SV2C: variants seen among roughly 807,000 people sequenced by gnomAD.
SV2C encodes synaptic vesicle glycoprotein 2C, also known as solute carrier family 22 member B3.
In SV2C, 49 loss-of-function variants were observed where a neutral mutation model predicts 79.7. The observed-to-expected ratio is 0.61, with a 90% CI of 0.49 to 0.78. The LOEUF (loss-of-function observed/expected upper bound fraction) is 0.78, where lower values mean the gene tolerates loss of function less well. Ranked by LOEUF, SV2C falls within the 30% of genes least tolerant of loss-of-function variation. The pLI, the probability that SV2C is intolerant of heterozygous loss-of-function variation, is 0.00. For synonymous variants in SV2C, 334 were observed against 333.2 expected (o/e 1.00, Z -0.03); for missense variants, 833 against 912.9 (o/e 0.91, Z 1.13).
At chr5:76,297,434 A>G (rs968213511) in intron 9 of SV2C, among the ~76,000 whole-genome samples, 2 of 152,144 alleles carry the variant, frequency 1.3e-5, no homozygotes, top group Non-Finnish European at 2.9e-5. Flanking sequence ...ATGGGAAAAG[A>G]CTGACTTTTT....
intron 4 of SV2C, among the ~76,000 whole-genome samples, chr5:76,274,684 C>CTTTTTTTTTTT (rs11415755): frequency 7.2e-6 from 1 of 139,618 alleles, no homozygotes. Flanking sequence ...TTTTCTCCTT[C>CTTTTTTTTTTT]TTTTTTTTTT....
chr5:76,246,568 C>T (rs1163668187), intron 4 of SV2C, among the ~76,000 whole-genome samples: 1 of 152,156 alleles, frequency 6.6e-6, no homozygotes, highest in Non-Finnish European at 1.5e-5. Flanking sequence ...TTGTTTGTAA[C>T]TGTGTAAGTA....
At chr5:76,322,513 C>A (rs1403676793) in intron 12 of SV2C, among the ~76,000 whole-genome samples, 1 of 152,192 alleles carries the variant, frequency 6.6e-6, no homozygotes, top group African/African-American at 2.4e-5. Context: ...CATTGACATT[C>A]TTCACAGAAT....
At position 76,242,332 on chromosome 5, in the gene SV2C, G is replaced by T. The variant is rs1463856353; in HGVS notation, c.913+32445G>T. The stretch of plus-strand genomic sequence containing the variant: ...CGACGGCAGCGGGACATAGGTGCTG[G>T]ACGCGGGACGCAGCGGCGCGCGGGC... On this transcript the variant is annotated intron_variant, in intron 4 of 12. Coordinates refer to ENST00000502798, the MANE Select transcript of SV2C (RefSeq NM_014979.4). The T allele has an allele frequency of 4.2e-6, 6 of 1,439,252 alleles. No individual in the cohort carries two copies. The Admixed American group carries it at 8.7e-5, about 21-fold the overall frequency. The allele number at this position is 1,439,252 out of a possible 1,614,324, so 89.2% of individuals were successfully genotyped here. A position where few individuals can be genotyped will look rare whatever the true frequency, so the allele number is the denominator to read the frequency against.
chr5:76,189,222 C>T (rs1744021726), intron 2 of SV2C, among the ~76,000 whole-genome samples: 1 of 151,852 alleles, frequency 6.6e-6, no homozygotes, highest in Admixed American at 6.6e-5. Flanking sequence ...AAAAATGACT[C>T]TTTGAGGAAA....
At chr5:76,244,516 A>G (rs182328762) in intron 4 of SV2C, among the ~76,000 whole-genome samples, 143 of 152,246 alleles carry the variant, frequency 9.4e-4, no homozygotes, top group Non-Finnish European at 1.6e-3. Context: ...TTAACCCAAC[A>G]AATATCCAAA....
rs531594001 is a variant in SV2C at position 76,249,961 on chromosome 5, A to C, written c.914-35201A>C. Among the ~76,000 whole-genome samples, 4 of 152,280 alleles carry C rather than the reference A, an allele frequency of 2.6e-5. No homozygotes were observed. In the South Asian group the frequency reaches 8.3e-4, roughly 32 times the overall value. Reference sequence around the variant, plus strand: ...TGGTATTGGCTTAACATTACCCCTCAATGGGAACGTTTTATTCTGAACGTT... The same window carrying C: ...TGGTATTGGCTTAACATTACCCCTCCATGGGAACGTTTTATTCTGAACGTT... On this transcript the variant is annotated intron_variant, in intron 4 of 12. Transcript: ENST00000502798.
At chr5:76,043,452 C>T in the SV2C span, among the ~76,000 whole-genome samples, 1 of 152,182 alleles carries the variant, frequency 6.6e-6, no homozygotes, top group African/African-American at 2.4e-5. Context: ...TAGCTAGTAA[C>T]CCAGATTCAA....
chr5:75,858,249 A>G, the SV2C span, among the ~76,000 whole-genome samples: 1 of 152,102 alleles, frequency 6.6e-6, no homozygotes. Context: ...TCTATTGTAT[A>G]TGGCTTTTTT....
At chr5:76,320,553 G>A (rs956555680) in intron 12 of SV2C, among the ~76,000 whole-genome samples, 3 of 151,914 alleles carry the variant, frequency 2.0e-5, no homozygotes. Context: ...CACTTTTTTT[G>A]TTGTAAACCT....
chr5:76,340,152 T>C (rs571792340), intron 12 of SV2C, among the ~76,000 whole-genome samples: 1 of 152,288 alleles, frequency 6.6e-6, no homozygotes, highest in African/African-American at 2.4e-5. Context: ...AATGGCAATA[T>C]CAAGAATTTA....
chr5:75,910,791 A>T, the SV2C span: 3 of 1,348,390 alleles, frequency 2.2e-6, no homozygotes, highest in African/African-American at 4.3e-5. Flanking sequence ...GTTGGCTGCT[A>T]TGTGACCATC....
intron 2 of SV2C, among the ~76,000 whole-genome samples, chr5:76,157,962 G>C (rs920045280): frequency 6.6e-6 from 1 of 151,710 alleles, no homozygotes; most frequent in Non-Finnish European, 1.5e-5. Flanking sequence ...AATAAAATTG[G>C]TGTAAATCTG....
chr5:75,850,737 G>C, the SV2C span, among the ~76,000 whole-genome samples: 5 of 152,126 alleles, frequency 3.3e-5, no homozygotes, highest in African/African-American at 7.2e-5. Flanking sequence ...ACATTGTAAG[G>C]GTGCAACAAA....
At chr5:76,064,407 C>A in the SV2C span, among the ~76,000 whole-genome samples, 1 of 152,208 alleles carries the variant, frequency 6.6e-6, no homozygotes, top group African/African-American at 2.4e-5. Flanking sequence ...AAAAGCAACA[C>A]AAGAAAAAAG....
At chr5:75,969,528 T>C in the SV2C span, among the ~76,000 whole-genome samples, 7 of 152,248 alleles carry the variant, frequency 4.6e-5, no homozygotes, top group Non-Finnish European at 8.8e-5. Context: ...GCAATCCTAG[T>C]CTCTGATAAA....
chr5:76,336,927 G>C (rs1749341874), downstream of SV2C, among the ~76,000 whole-genome samples: 1 of 152,156 alleles, frequency 6.6e-6, no homozygotes. Context: ...TGCGAGTTCT[G>C]AAGGAAACAA....
chr5:76,284,477 T>C (rs1177177923), intron 4 of SV2C, among the ~76,000 whole-genome samples: 1 of 152,058 alleles, frequency 6.6e-6, no homozygotes, highest in Non-Finnish European at 1.5e-5. Context: ...AGGGACTCTT[T>C]ATGAAGATGT....
chr5:75,957,577 G>T, the SV2C span, among the ~76,000 whole-genome samples: 1 of 151,972 alleles, frequency 6.6e-6, no homozygotes, highest in Non-Finnish European at 1.5e-5. Flanking sequence ...TAACTTTTCT[G>T]CTCTGTCACA....
Sources: gnomAD v4.1 joint callset for allele counts (sites outside exome capture counted in the v4.1 genomes callset) on GRCh38, gnomAD v4.1.1 for gene constraint, MANE v1.5 for transcripts, NCBI Gene and HGNC (gene_info 2026-07-23, HGNC 2026-07-21) for gene names.